The following PEX5 variants were observed in gnomAD, a reference collection of about 807,000 sequenced individuals.
PEX5 encodes the protein PTS1 receptor.
In PEX5, 52 loss-of-function variants were observed where a neutral mutation model predicts 82.9. The observed-to-expected ratio is 0.63, with a 90% CI of 0.50 to 0.79. PEX5 has a LOEUF of 0.79. PEX5 is among the 30% of genes least tolerant of loss of function. PEX5 has a pLI of 0.00. For synonymous variants in PEX5, 300 were observed against 318.8 expected (o/e 0.94, Z 0.63); for missense variants, 719 against 815.2 (o/e 0.88, Z 1.44).
chr12:7,211,347 A>T lies in PEX5; in HGVS notation c.*1124A>T, dbSNP rs923717985. The T allele has an allele frequency of 6.6e-6, 1 of 150,928 alleles. No individual in the cohort carries two copies. Among genetic ancestry groups the T allele is most frequent in the Non-Finnish European group, 1.5e-5 (1 of 67,656 alleles). 9.3% of individuals were successfully genotyped at this position (150,928 alleles called of 1,614,324 possible). The stretch of plus-strand genomic sequence containing the variant: ...TCTTTAGTAGCTAATGATCAGAGAG[A>T]TTTTTTTTTTAAACTACCATGGTCC... On this transcript the variant is annotated 3_prime_UTR_variant, in exon 16 of 16. Transcript: ENST00000675855.
rs886049823 is a variant in PEX5, at chr12:7,189,718, G to C, written c.-49G>C. 2 of 380,900 alleles carry C rather than the reference G, an allele frequency of 5.3e-6. No homozygotes were observed. The highest frequency in any genetic ancestry group is 9.1e-6 in the Non-Finnish European group (2 of 218,702). 23.6% of individuals were successfully genotyped at this position (380,900 alleles called of 1,614,324 possible). A position where few individuals can be genotyped will look rare whatever the true frequency, so the allele number is the denominator to read the frequency against. ...CCCCTCCCCCAAGCCAGCACCTGGT[G>C]CCCCGGCGGGTCGTGCGGCGCGGCG... On this transcript the variant is annotated 5_prime_UTR_variant, in exon 1 of 16. Transcript: ENST00000675855.
downstream of PEX5, among the ~76,000 whole-genome samples, chr12:7,212,068 C>T (rs776540945): frequency 3.2e-4 from 48 of 151,332 alleles, no homozygotes; most frequent in East Asian, 2.2e-3. Context: ...TGGGTTCAAG[C>T]GATTCTCCTG....
Position 7,201,778 on chromosome 12 carries a change from T to A in PEX5, c.579T>A (p.Asp193Glu), listed in dbSNP as rs1312603372. The change falls in exon 7 of 16, where the codon GAT becomes GAA. Residue 193 changes from aspartate to glutamate, a missense_variant. By Grantham distance (45) the Asp-to-Glu change is conservative (BLOSUM62 2). Transcript: ENST00000675855. ...ATGATGAATATCATCCTGAGGAGGA[T>A]CTGCAGCACACGGCCAGTGACTTTG... is the stretch of plus-strand genomic sequence containing the variant. ...RWYDEYHPEE[D>E]LQHTASDFVA... is the part of the protein sequence containing the mutation. 1 of 1,613,986 alleles carries A rather than the reference T, an allele frequency of 6.2e-7. No individual in the cohort carries two copies. The highest frequency in any genetic ancestry group is 8.5e-7 in the Non-Finnish European group (1 of 1,179,872).
chr12:7,194,825 T>G (rs1941804293), intron 5 of PEX5, among the ~76,000 whole-genome samples: 1 of 152,192 alleles, frequency 6.6e-6, no homozygotes, highest in African/African-American at 2.4e-5. Context: ...CTTTTCTGGA[T>G]GTTGGAGGAG....
At chr12:7,191,125 C>T in intron 3 of PEX5, 101 bp from the exon 4 acceptor site, 7 of 1,401,796 alleles carry the variant, frequency 5.0e-6, no homozygotes, top group Middle Eastern at 1.8e-4. Flanking sequence ...CTGTGTTTTC[C>T]TTTCCTTGTA....
chr12:7,207,614 G>C (rs757366057), intron 10 of PEX5, 45 bp from the exon 11 acceptor site: 1 of 1,606,850 alleles, frequency 6.2e-7, no homozygotes, highest in Non-Finnish European at 8.5e-7. Flanking sequence ...CTGCTGTTCT[G>C]ACGGTGCCAC....
rs1943842984 is a variant in PEX5 at position 7,201,087 on chromosome 12, CAGTA to C, written c.552-661_552-658del. On this transcript the variant is annotated intron_variant, in intron 6 of 15. Transcript: ENST00000675855. ...GAGGTCAAGTCTAGCCCGAGGAACA[CAGTA>C]AGACCTTGTCTTTAAAAAACCAAAA... Among the ~76,000 whole-genome samples the C allele has an allele frequency of 4.6e-5, 7 of 152,144 alleles. No individual in the cohort carries two copies. The South Asian group carries it at 1.2e-3, about 27-fold the overall frequency.
At chr12:7,203,013 C>T (rs1047739162) in intron 9 of PEX5, among the ~76,000 whole-genome samples, 6 of 151,870 alleles carry the variant, frequency 4.0e-5, no homozygotes, top group African/African-American at 9.7e-5. Flanking sequence ...ACAAAATTAG[C>T]GTGGTGTGTT....
chr12:7,209,685 C>CTAT lies in PEX5; in HGVS notation c.1565_1567dup (p.Tyr522dup), dbSNP rs1555182928. 2.7e-6 allele frequency: 3 copies of CTAT among 1,126,172 alleles called. No individual in the cohort carries two copies. The highest frequency in any genetic ancestry group is 3.3e-6 in the Non-Finnish European group (3 of 906,326). 69.8% of individuals were successfully genotyped at this position (1,126,172 alleles called of 1,614,324 possible). ...TCCGTTCTGCATCCCTATCCCAGGA[C>CTAT]TATTTGCTGTGGAATAAGCTAGGCG... On this transcript the variant is annotated inframe_insertion, in exon 15 of 16. Coordinates refer to ENST00000675855, the MANE Select transcript of PEX5 (RefSeq NM_001351132.2).
At chr12:7,196,512 T>C (rs181450002) in intron 5 of PEX5, among the ~76,000 whole-genome samples, 6,766 of 50,350 alleles carry the variant, frequency 0.13, 1,427 homozygotes, top group African/African-American at 0.23. Flanking sequence ...ATATGTCACA[T>C]ATAATGTAAT....
chr12:7,203,192 TGC>T (rs1944343561), intron 9 of PEX5, among the ~76,000 whole-genome samples: 2 of 11,948 alleles, frequency 1.7e-4, no homozygotes, highest in Non-Finnish European at 6.7e-4. Context: ...TGCACTGCAC[TGC>T]ACTGCACTGC....
At position 7,209,778 on chromosome 12, in the gene PEX5, G is replaced by T. The variant is rs752121156; in HGVS notation, c.1656G>T (p.Gln552His). The part of the protein sequence containing the change: ...VAAYRRALEL[Q>H]PGYIRSRYNL... ...CGTACCGCCGGGCCCTCGAGCTCCAGCCTGGCTATATCCGGTCCCGCTATA... is the reference window on the plus strand; with the variant it reads ...CGTACCGCCGGGCCCTCGAGCTCCATCCTGGCTATATCCGGTCCCGCTATA... The change falls in exon 15 of 16, where the codon CAG (glutamine) becomes CAT (histidine). Residue 552 changes from glutamine (Q) to histidine (H), a missense_variant. By Grantham distance (24) the Gln-to-His change is conservative. Coordinates refer to ENST00000675855, the MANE Select transcript of PEX5 (RefSeq NM_001351132.2). The T allele has an allele frequency of 6.2e-6, 10 of 1,614,088 alleles. No individual in the cohort carries two copies. In the South Asian group the frequency reaches 1.1e-4, roughly 18 times the overall value.
At position 7,208,486 on chromosome 12, in the gene PEX5, C is replaced by T. The variant is rs751774861; in HGVS notation, c.1211C>T (p.Thr404Ile). The stretch of plus-strand genomic sequence containing the variant: ...CTGGAGCTAAAGCCAGATAACCAGA[C>T]AGCACTGATGGCGCTGGCTGTGAGC... Reference protein sequence around the residue: ...RCLELKPDNQTALMALAVSFT... With the variant: ...RCLELKPDNQIALMALAVSFT... Residue 404 changes from threonine (T) to isoleucine (I), a missense_variant, in exon 13 of 16, where the codon ACA becomes ATA. Transcript: ENST00000675855. 7 of 1,614,152 alleles carry T rather than the reference C, an allele frequency of 4.3e-6. No individual in the cohort carries two copies. The Admixed American group carries it at 1.2e-4, about 27-fold the overall frequency.
At chr12:7,203,978 TTCTTA>T (rs143332020) in intron 10 of PEX5, among the ~76,000 whole-genome samples, 34,440 of 152,082 alleles carry the variant, frequency 0.23, 4,979 homozygotes, top group Non-Finnish European at 0.33. Context: ...TCATTTTAAG[TTCTTA>T]TCTTTTATAG....
At chr12:7,211,749 T>TATTA (rs1945589548), downstream of PEX5, among the ~76,000 whole-genome samples, 1 of 152,166 alleles carries the variant, frequency 6.6e-6, no homozygotes, top group African/African-American at 2.4e-5. Flanking sequence ...GGTTGTTTTG[T>TATTA]ATTATGAATT....
intron 6 of PEX5, among the ~76,000 whole-genome samples, chr12:7,200,383 A>G (rs1943647061): frequency 2.7e-5 from 4 of 146,648 alleles, no homozygotes; most frequent in African/African-American, 5.1e-5. Context: ...GCGGCCGGGC[A>G]GAGACGCTCC....
At position 7,210,081 on chromosome 12, in the gene PEX5, G is replaced by A. The variant is rs754922299; in HGVS notation, c.1778G>A (p.Arg593Gln). The A allele has an allele frequency of 2.5e-5, 40 of 1,614,104 alleles. No individual in the cohort carries two copies. In the South Asian group the frequency reaches 3.7e-4, roughly 15 times the overall value. Reference sequence around the variant, plus strand: ...ATGCAGAGGAAAAGCCGGGGCCCCCGGGGTGAAGGAGGTGCCATGTCGGAG... The same window carrying A: ...ATGCAGAGGAAAAGCCGGGGCCCCCAGGGTGAAGGAGGTGCCATGTCGGAG... ...LNMQRKSRGP[R>Q]GEGGAMSENI... Residue 593 changes from arginine (R) to glutamine (Q), a missense_variant, in exon 16 of 16, where the codon CGG becomes CAG. By Grantham distance (43) the Arg-to-Gln change is conservative. Coordinates refer to ENST00000675855, the MANE Select transcript of PEX5 (RefSeq NM_001351132.2).
chr12:7,201,957 C>T (rs756122744), intron 7 of PEX5, 116 bp downstream of exon 7: 96 of 808,306 alleles, frequency 1.2e-4, no homozygotes, highest in South Asian at 6.9e-4. Flanking sequence ...TAGGTCTCTT[C>T]GTTCCTGTCT....
chr12:7,199,466 A>C (rs952277991), intron 6 of PEX5, among the ~76,000 whole-genome samples: 2 of 150,280 alleles, frequency 1.3e-5, no homozygotes, highest in African/African-American at 4.9e-5. Context: ...ACCGCCCTTA[A>C]TCCATTTAAC....
Sources: allele counts gnomAD v4.1 joint callset (sites outside exome capture counted in the v4.1 genomes callset), GRCh38; gene constraint gnomAD v4.1.1; transcripts MANE v1.5; gene names NCBI Gene and HGNC (gene_info 2026-07-23, HGNC 2026-07-21).